Variants in MARCHF1 observed in about 807,000 individuals in gnomAD.
MARCHF1 encodes the protein E3 ubiquitin-protein ligase MARCHF1.
In MARCHF1, 40 loss-of-function variants were observed where a neutral mutation model predicts 54.2. That is an observed-to-expected ratio of 0.74 (90% CI 0.57 to 0.96). The LOEUF (loss-of-function observed/expected upper bound fraction) is 0.96. Ranked by LOEUF, MARCHF1 falls within the 40% of genes least tolerant of loss-of-function variation. The probability of loss-of-function intolerance (pLI) is 0.00; values close to 1 mark genes in which losing one functional copy is unlikely to be tolerated. For missense variants in MARCHF1, 586 were observed against 656.5 expected (o/e 0.89, Z 1.17); for synonymous variants, 236 against 236.3 (o/e 1.00, Z 0.01).
At chr4:164,325,270 C>T (rs1305628505) in intron 1 of MARCHF1, among the ~76,000 whole-genome samples, 1 of 150,094 alleles carries the variant, frequency 6.7e-6, no homozygotes, top group East Asian at 2.0e-4. Context: ...ATTGTGGCTA[C>T]TGGACAGTGA....
rs560149967 is a variant in MARCHF1, at chr4:163,791,624, T to C, written c.111+62397A>G. 3.0e-3 allele frequency among the ~76,000 whole-genome samples: 455 copies of C among 152,288 alleles called. 4 individuals are homozygous for C. Among genetic ancestry groups the C allele is most frequent in the African/African-American group, 0.01 (432 of 41,566 alleles). On this transcript the variant is annotated intron_variant, in intron 4 of 9. Coordinates refer to ENST00000514618, the MANE Select transcript of MARCHF1 (RefSeq NM_001394959.1). ...GCTCCTGAAGAAACTACCGGCCCTT[T>C]GTTTACAAAAACAAATGTATTCACC...
intron 4 of MARCHF1, among the ~76,000 whole-genome samples, chr4:163,814,502 T>C (rs2111024212): frequency 6.6e-6 from 1 of 152,254 alleles, no homozygotes; most frequent in Middle Eastern, 3.4e-3. Context: ...GAGTATCGCC[T>C]GAACCCAGGA....
chr4:163,647,098 C>T (rs1371879229), intron 5 of MARCHF1, among the ~76,000 whole-genome samples: 2 of 151,990 alleles, frequency 1.3e-5, no homozygotes. Flanking sequence ...ATGAAGACGT[C>T]AGGGGTAGCT....
At chr4:163,977,932 G>C (rs895831651) in intron 3 of MARCHF1, among the ~76,000 whole-genome samples, 1 of 151,996 alleles carries the variant, frequency 6.6e-6, no homozygotes, top group Non-Finnish European at 1.5e-5. Context: ...AGGCAATCAG[G>C]AGCATTACTA....
intron 2 of MARCHF1, among the ~76,000 whole-genome samples, chr4:164,011,585 C>A (rs1175904960): frequency 6.6e-6 from 1 of 152,164 alleles, no homozygotes; most frequent in African/African-American, 2.4e-5. Flanking sequence ...ATCATCTCAT[C>A]CCAGTTACAA....
intron 2 of MARCHF1, among the ~76,000 whole-genome samples, chr4:164,054,546 C>T (rs1754445710): frequency 6.6e-6 from 1 of 151,950 alleles, no homozygotes; most frequent in South Asian, 2.1e-4. Flanking sequence ...CAATGATAGA[C>T]TGGATTAAGA....
intron 2 of MARCHF1, among the ~76,000 whole-genome samples, chr4:164,087,807 G>T (rs1203259287): frequency 4.8e-5 from 7 of 147,196 alleles, no homozygotes; most frequent in African/African-American, 1.7e-4. Context: ...TTTTTTCTGT[G>T]TTTTTTTTTT....
chr4:163,762,670 C>T lies in MARCHF1; in HGVS notation c.112-61807G>A, dbSNP rs1287311415. Among the ~76,000 whole-genome samples the T allele has an allele frequency of 3.9e-5, 6 of 152,156 alleles. 1 individual carries two copies. The highest frequency in any genetic ancestry group is 1.4e-4 in the African/African-American group (6 of 41,536). On this transcript the variant is annotated intron_variant, in intron 4 of 9. Coordinates refer to ENST00000514618, the MANE Select transcript of MARCHF1 (RefSeq NM_001394959.1). The stretch of plus-strand genomic sequence containing the variant: ...ATGACTTAAAATTATACAAATAGCA[C>T]ACTTACCTTAATTAGTAATCAAAAA...
intron 1 of MARCHF1, among the ~76,000 whole-genome samples, chr4:164,176,980 C>CTCTCTCTA (rs1466683245): frequency 2.9e-4 from 17 of 58,910 alleles, no homozygotes; most frequent in East Asian, 1.5e-3. Flanking sequence ...CTCTCTCTCT[C>CTCTCTCTA]TATATATATA....
intron 4 of MARCHF1, among the ~76,000 whole-genome samples, chr4:163,773,612 C>T (rs920939575): frequency 6.6e-6 from 1 of 152,100 alleles, no homozygotes; most frequent in Non-Finnish European, 1.5e-5. Flanking sequence ...TATCTTCTCT[C>T]GCATTTTATT....
chr4:164,116,919 C>A (rs1359190632), intron 1 of MARCHF1, among the ~76,000 whole-genome samples: 2 of 152,020 alleles, frequency 1.3e-5, no homozygotes, highest in African/African-American at 4.8e-5. Flanking sequence ...ATCTTTTATA[C>A]AAAGTTAAAA....
At chr4:164,360,413 G>A (rs947368644) in intron 1 of MARCHF1, among the ~76,000 whole-genome samples, 9 of 151,964 alleles carry the variant, frequency 5.9e-5, no homozygotes, top group Admixed American at 2.0e-4. Flanking sequence ...TATTTTCTTC[G>A]CTTTAAAATA....
At chr4:164,169,855 T>C (rs988951472) in intron 1 of MARCHF1, among the ~76,000 whole-genome samples, 3 of 152,116 alleles carry the variant, frequency 2.0e-5, no homozygotes, top group Non-Finnish European at 4.4e-5. Flanking sequence ...ACCTTATATA[T>C]CATCTTCAGC....
chr4:164,373,741 C>G (rs1011067254), intron 1 of MARCHF1, among the ~76,000 whole-genome samples: 6 of 152,164 alleles, frequency 3.9e-5, no homozygotes, highest in African/African-American at 1.4e-4. Context: ...TAAAAATATT[C>G]TGCCTCTAAA....
Position 164,032,720 on chromosome 4 carries a change from T to C in MARCHF1, c.-247-44011A>G, listed in dbSNP as rs576528321. 2.6e-5 allele frequency among the ~76,000 whole-genome samples: 4 copies of C among 152,322 alleles called. No homozygotes were observed. The South Asian group carries it at 8.3e-4, about 32-fold the overall frequency. ...AGACCGTTTTTAGGATTTCAGTTCT[T>C]TTGTATTTGCTGAGGAGTGTTTTAT... On this transcript the variant is annotated intron_variant, in intron 2 of 9. Coordinates refer to ENST00000514618, the MANE Select transcript of MARCHF1 (RefSeq NM_001394959.1).
At chr4:163,874,558 C>A (rs1049926113) in intron 3 of MARCHF1, among the ~76,000 whole-genome samples, 2 of 151,910 alleles carry the variant, frequency 1.3e-5, no homozygotes, top group Non-Finnish European at 2.9e-5. Flanking sequence ...AACATATTTT[C>A]GTAGCAAGAG....
chr4:163,935,600 C>T (rs927032749), intron 3 of MARCHF1, among the ~76,000 whole-genome samples: 1 of 151,948 alleles, frequency 6.6e-6, no homozygotes, highest in East Asian at 1.9e-4. Context: ...GGACCTTGCT[C>T]TGATTAGTCT....
chr4:164,033,307 A>C (rs939062034), intron 2 of MARCHF1, among the ~76,000 whole-genome samples: 1 of 152,308 alleles, frequency 6.6e-6, no homozygotes, highest in East Asian at 1.9e-4. Flanking sequence ...TGTAAAACCC[A>C]AAACCATAAA....
intron 1 of MARCHF1, among the ~76,000 whole-genome samples, chr4:164,339,193 A>G (rs1729843772): frequency 6.6e-6 from 1 of 152,294 alleles, no homozygotes; most frequent in East Asian, 1.9e-4. Flanking sequence ...ATAAGGAAAC[A>G]TTAGACTTGA....
Sources: allele counts gnomAD v4.1 joint callset (sites outside exome capture counted in the v4.1 genomes callset), GRCh38; gene constraint gnomAD v4.1.1; transcripts MANE v1.5; gene names NCBI Gene and HGNC (gene_info 2026-07-23, HGNC 2026-07-21).